The following CDH4 variants were observed in gnomAD, a reference collection of about 807,000 sequenced individuals.
The protein encoded by CDH4 is cadherin-4.
Under a neutral mutation model 86.0 loss-of-function variants are expected in CDH4, and 33 were observed. The observed-to-expected ratio is 0.38, with a 90% CI of 0.29 to 0.51. The LOEUF (loss-of-function observed/expected upper bound fraction) is 0.51. Among genes scored for constraint, CDH4 ranks in the 20% least tolerant of loss-of-function variants. The pLI, the probability that CDH4 is intolerant of heterozygous loss-of-function variation, is 0.86. For missense variants in CDH4, 1,114 were observed against 1,307.4 expected, an observed-to-expected ratio of 0.85 and a Z score of 2.28; for synonymous variants, 555 against 549.4, an observed-to-expected ratio of 1.01 and a Z score of -0.14.
intron 4 of CDH4, among the ~76,000 whole-genome samples, chr20:61,783,494 C>T (rs1160057267): frequency 6.6e-6 from 1 of 151,634 alleles, no homozygotes; most frequent in Non-Finnish European, 1.5e-5. Context: ...TCCTGTGCCC[C>T]CGAAAGAAAT....
At chr20:61,484,656 C>T (rs2085586102) in intron 2 of CDH4, among the ~76,000 whole-genome samples, 1 of 152,218 alleles carries the variant, frequency 6.6e-6, no homozygotes, top group Non-Finnish European at 1.5e-5. Context: ...TGCAAGGCCT[C>T]GTGGGCACCC....
Position 61,708,797 on chromosome 20 carries a change from G to C in CDH4, c.170-34766G>C, listed in dbSNP as rs141967524. Among the ~76,000 whole-genome samples, 373 of 152,320 alleles carry C rather than the reference G, an allele frequency of 2.4e-3. 1 individual carries two copies. The highest frequency in any genetic ancestry group is 8.5e-3 in the African/African-American group (352 of 41,576). ...TCATGGACGGGCATCTCCTCTGCAG[G>C]CTGTTTGTTAGAGATGAGCACAGAA... On this transcript the variant is annotated intron_variant, in intron 2 of 15. Coordinates refer to ENST00000614565, the MANE Select transcript of CDH4 (RefSeq NM_001794.5). The surrounding 1 kb of genome is among the most constrained non-coding windows in gnomAD (Gnocchi z 4.5).
chr20:61,769,361 A>AGTCCAG (rs2088746894), intron 3 of CDH4, among the ~76,000 whole-genome samples: 1 of 152,234 alleles, frequency 6.6e-6, no homozygotes, highest in Non-Finnish European at 1.5e-5. Context: ...CTGGGAGCTC[A>AGTCCAG]GACCTGTTTC....
intron 2 of CDH4, among the ~76,000 whole-genome samples, chr20:61,575,402 G>C (rs1190724296): frequency 6.6e-6 from 1 of 152,184 alleles, no homozygotes; most frequent in Non-Finnish European, 1.5e-5. Context: ...TAAAACAAAG[G>C]TTCTTCCTGT....
At chr20:61,819,132 CTCTGGGGTCTTTGTA>C (rs1211380987) in intron 4 of CDH4, among the ~76,000 whole-genome samples, 1 of 152,204 alleles carries the variant, frequency 6.6e-6, no homozygotes, top group Non-Finnish European at 1.5e-5. Context: ...CATCCTTGAG[CTCTGGGGTCTTTGTA>C]TCTGCAAGGA....
intron 2 of CDH4, among the ~76,000 whole-genome samples, chr20:61,310,891 T>G (rs1231624643): frequency 6.6e-6 from 1 of 152,070 alleles, no homozygotes; most frequent in Non-Finnish European, 1.5e-5. Flanking sequence ...AGGACCTCAT[T>G]TTGCCTTAAT....
intron 2 of CDH4, among the ~76,000 whole-genome samples, chr20:61,506,375 A>T (rs1039023892): frequency 9.9e-5 from 15 of 152,246 alleles, no homozygotes; most frequent in African/African-American, 3.4e-4. Flanking sequence ...ATAATTCTTC[A>T]GTTCACATTT....
Position 61,762,188 on chromosome 20 carries a change from G to A in CDH4, c.397-10815G>A, listed in dbSNP as rs1207782095. ...GTAGGCACTCTCTAGTGACACCTCC[G>A]AGATCTGTTCTGTGCCCATCACCAT... On this transcript the variant is annotated intron_variant, in intron 3 of 15. Transcript: ENST00000614565. Among the ~76,000 whole-genome samples the A allele has an allele frequency of 2.0e-5, 3 of 152,274 alleles. 1 individual carries two copies. Among genetic ancestry groups the A allele is most frequent in the South Asian group, 2.1e-4 (1 of 4,820 alleles).
chr20:61,504,862 C>T lies in CDH4; in HGVS notation c.170-238701C>T, dbSNP rs373276848. 1.2e-4 allele frequency among the ~76,000 whole-genome samples: 18 copies of T among 152,332 alleles called. No homozygotes were observed. The East Asian group carries it at 3.3e-3, about 28-fold the overall frequency. ...CGCTCCGCTTCCATACCCGTACACG[C>T]GTCCTCATCACCTTCACCGTTTCCT... On this transcript the variant is annotated intron_variant, in intron 2 of 15. Transcript: ENST00000614565.
rs2085771607 is a variant in CDH4 at position 61,510,480 on chromosome 20, T to A, written c.170-233083T>A. On this transcript the variant is annotated intron_variant, in intron 2 of 15. Transcript: ENST00000614565. The surrounding 1 kb of genome is among the most constrained non-coding windows in gnomAD (Gnocchi z 4.2). ...CGGAATGCCCGCATGCCTGCTGGGC[T>A]GATGGCATCCCATAAAGAAGAGAGA... 6.6e-6 allele frequency among the ~76,000 whole-genome samples: 1 copy of A among 152,244 alleles called. No individual in the cohort carries two copies. The highest frequency in any genetic ancestry group is 1.5e-5 in the Non-Finnish European group (1 of 68,048).
At chr20:61,631,369 G>T (rs1162127372) in intron 2 of CDH4, among the ~76,000 whole-genome samples, 1 of 152,236 alleles carries the variant, frequency 6.6e-6, no homozygotes, top group African/African-American at 2.4e-5. Context: ...ATGGCTGGGT[G>T]CAGTGGCTCA....
intron 2 of CDH4, among the ~76,000 whole-genome samples, chr20:61,318,104 G>T (rs1031777312): frequency 1.3e-5 from 2 of 152,096 alleles, no homozygotes; most frequent in African/African-American, 4.8e-5. Context: ...GAAACCTGGA[G>T]GTGGGACCCA....
At chr20:61,354,946 C>A (rs961097035) in intron 2 of CDH4, among the ~76,000 whole-genome samples, 1 of 152,188 alleles carries the variant, frequency 6.6e-6, no homozygotes, top group African/African-American at 2.4e-5. Flanking sequence ...TAGGCATCAC[C>A]GGCCACATTT....
At chr20:61,468,700 A>G (rs2085486866) in intron 2 of CDH4, among the ~76,000 whole-genome samples, 1 of 152,116 alleles carries the variant, frequency 6.6e-6, no homozygotes, top group Non-Finnish European at 1.5e-5. Flanking sequence ...GCCAGCCTGT[A>G]CTGCCCTTCT....
intron 2 of CDH4, among the ~76,000 whole-genome samples, chr20:61,419,443 G>T (rs1463203800): frequency 6.6e-6 from 1 of 152,146 alleles, no homozygotes; most frequent in African/African-American, 2.4e-5. Context: ...TCCCTTCCTT[G>T]GAAGTTCTAA....
At chr20:61,253,262 G>GGGCGC in intron 1 of CDH4, among the ~76,000 whole-genome samples, 1 of 151,122 alleles carries the variant, frequency 6.6e-6, no homozygotes, top group Non-Finnish European at 1.5e-5. Context: ...GACGCCGGGC[G>GGGCGC]GGCGCGGCGC....
At chr20:61,601,917 T>C (rs868482078) in intron 2 of CDH4, among the ~76,000 whole-genome samples, 2 of 152,174 alleles carry the variant, frequency 1.3e-5, no homozygotes, top group Admixed American at 1.3e-4. Context: ...GCCATAAATA[T>C]GAGAGACAGG....
intron 2 of CDH4, among the ~76,000 whole-genome samples, chr20:61,498,256 TAAAC>T (rs2085676799): frequency 6.6e-6 from 1 of 151,732 alleles, no homozygotes; most frequent in South Asian, 2.1e-4. Context: ...GATGGGCAAA[TAAAC>T]ACACAAGACT....
At chr20:61,391,543 AG>A (rs1568826748) in intron 2 of CDH4, among the ~76,000 whole-genome samples, 4 of 151,786 alleles carry the variant, frequency 2.6e-5, no homozygotes, top group African/African-American at 9.7e-5. Context: ...TTGTCTAAAC[AG>A]AGGAGGCTCC....
Sources: allele counts gnomAD v4.1 joint callset (sites outside exome capture counted in the v4.1 genomes callset), GRCh38; gene constraint gnomAD v4.1.1; non-coding constraint Gnocchi (gnomAD v3.1); transcripts MANE v1.5; gene names NCBI Gene and HGNC (gene_info 2026-07-23, HGNC 2026-07-21).